The following VPS35L variants were observed in gnomAD, a reference collection of about 807,000 sequenced individuals.
VPS35L encodes VPS35 endosomal protein sorting factor like.
Under a neutral mutation model 133.0 loss-of-function variants are expected in VPS35L, and 83 were observed. The ratio of observed to expected loss-of-function variants is 0.62; its 90% CI spans 0.52 to 0.75. VPS35L has a LOEUF of 0.75. VPS35L is among the 30% of genes least tolerant of loss of function. VPS35L has a pLI of 0.00. For missense variants in VPS35L, 1,083 were observed against 1,206.8 expected (o/e 0.90, Z 1.52); for synonymous variants, 423 against 449.9 (o/e 0.94, Z 0.76).
At chr16:19,675,522 A>AT (rs1975035016) in intron 27 of VPS35L, among the ~76,000 whole-genome samples, 1 of 151,776 alleles carries the variant, frequency 6.6e-6, no homozygotes, top group Non-Finnish European at 1.5e-5. Flanking sequence ...TGGTAGCTCT[A>AT]TTTTTAATTT....
chr16:19,627,102 T>C (rs1199704127), intron 15 of VPS35L, among the ~76,000 whole-genome samples: 1 of 152,010 alleles, frequency 6.6e-6, no homozygotes, highest in Admixed American at 6.6e-5. Flanking sequence ...GCCAACATGG[T>C]GAAACCCTGT....
chr16:19,689,978 T>C (rs1220109785), intron 28 of VPS35L, among the ~76,000 whole-genome samples: 2 of 152,142 alleles, frequency 1.3e-5, no homozygotes, highest in African/African-American at 4.8e-5. Flanking sequence ...AGTCATGTGA[T>C]CATAGCTCAT....
chr16:19,615,997 A>ATAT (rs1271967646), intron 12 of VPS35L, 117 bp from the exon 13 acceptor site: 1 of 428,228 alleles, frequency 2.3e-6, no homozygotes, highest in Admixed American at 4.7e-5. Context: ...AATAATAATA[A>ATAT]TTTTCTGGAC....
intron 21 of VPS35L, among the ~76,000 whole-genome samples, chr16:19,641,294 TG>T (rs1180195520): frequency 6.6e-6 from 1 of 152,138 alleles, no homozygotes; most frequent in African/African-American, 2.4e-5. Flanking sequence ...CTCGAGCTCC[TG>T]GCCTCAAGTG....
At chr16:19,592,013 C>T (rs1225170106) in intron 8 of VPS35L, 139 bp downstream of exon 8, 1 of 608,990 alleles carries the variant, frequency 1.6e-6, no homozygotes, top group South Asian at 2.3e-5. Context: ...AACCGTTCCC[C>T]CCCACGCCCA....
At chr16:19,567,803 T>C (rs1357529965) in intron 2 of VPS35L, among the ~76,000 whole-genome samples, 1 of 152,006 alleles carries the variant, frequency 6.6e-6, no homozygotes, top group East Asian at 1.9e-4. Context: ...ACCCCACTTC[T>C]ACAAAAAGTA....
In VPS35L at chr16:19,663,669, C is replaced by CTTTTTTT. The variant is rs59826351; in HGVS notation, c.2222-5469_2222-5463dup. Among the ~76,000 whole-genome samples the CTTTTTTT allele has an allele frequency of 1.5e-3, 95 of 63,902 alleles. 1 individual carries two copies. The highest frequency in any genetic ancestry group is 3.1e-3 in the African/African-American group (43 of 13,984). The allele number at this position is 63,902 out of a possible 152,430, so 41.9% of individuals were successfully genotyped here. On this transcript the variant is annotated intron_variant, in intron 26 of 30. Transcript: ENST00000417362. ...GCTTGGTGCAACAGTGCAGTAATTT[C>CTTTTTTT]TTTTTTTTTTTTTTTTTTTTTTTTT...
At chr16:19,620,223 AACC>A (rs1311466207) in intron 14 of VPS35L, among the ~76,000 whole-genome samples, 1 of 152,194 alleles carries the variant, frequency 6.6e-6, no homozygotes, top group Non-Finnish European at 1.5e-5. Flanking sequence ...AATTATAAAT[AACC>A]TAATCTGGAG....
intron 3 of VPS35L, among the ~76,000 whole-genome samples, chr16:19,571,286 A>T (rs999824473): frequency 6.6e-6 from 1 of 151,948 alleles, no homozygotes; most frequent in Non-Finnish European, 1.5e-5. Context: ...GCATGATCAT[A>T]GCTCGCTGCA....
At chr16:19,594,433 CAGG>C (rs958058801) in intron 8 of VPS35L, among the ~76,000 whole-genome samples, 4 of 152,010 alleles carry the variant, frequency 2.6e-5, no homozygotes, top group African/African-American at 9.7e-5. Flanking sequence ...CACTTCAGGT[CAGG>C]AGTGCGAGAC....
At chr16:19,665,727 AT>A (rs1974642254) in intron 26 of VPS35L, among the ~76,000 whole-genome samples, 1 of 152,090 alleles carries the variant, frequency 6.6e-6, no homozygotes, top group Non-Finnish European at 1.5e-5. Context: ...TGGTAGCTCT[AT>A]TTTTAGCTTT....
intron 2 of VPS35L, among the ~76,000 whole-genome samples, chr16:19,566,102 C>T (rs1238598856): frequency 1.3e-5 from 2 of 152,148 alleles, no homozygotes; most frequent in African/African-American, 4.8e-5. Flanking sequence ...GAGATTTAGC[C>T]TCCCAGGACC....
chr16:19,690,961 C>CAAAAA (rs112601797), intron 28 of VPS35L, among the ~76,000 whole-genome samples: 6 of 130,860 alleles, frequency 4.6e-5, no homozygotes, highest in Admixed American at 1.6e-4. Context: ...GACTCCGTCT[C>CAAAAA]AAAAAAAAAA....
chr16:19,601,992 T>C lies in VPS35L; in HGVS notation c.784+269T>C, dbSNP rs758556379. 3.0e-4 allele frequency among the ~76,000 whole-genome samples: 45 copies of C among 152,144 alleles called. 1 individual carries two copies. Among genetic ancestry groups the C allele is most frequent in the Admixed American group, 1.3e-4 (2 of 15,270 alleles). On this transcript the variant is annotated intron_variant, in intron 9 of 30. Transcript: ENST00000417362. ...AGCCAAACTTTCACACGAACATATT[T>C]TCCTCTGCTGCTTGACTTTAATATT...
At chr16:19,673,024 G>A (rs184064870) in intron 27 of VPS35L, among the ~76,000 whole-genome samples, 1 of 152,288 alleles carries the variant, frequency 6.6e-6, no homozygotes, top group East Asian at 1.9e-4. Context: ...AGTTCATAGC[G>A]CTGAGACTTT....
rs770973051 is a variant in VPS35L, at chr16:19,567,902, C to T, written c.118-1522C>T. Among the ~76,000 whole-genome samples, 10 of 150,874 alleles carry T rather than the reference C, an allele frequency of 6.6e-5. No homozygotes were observed. The South Asian group carries it at 2.1e-3, about 32-fold the overall frequency. On this transcript the variant is annotated intron_variant, in intron 2 of 30. Transcript: ENST00000417362. ...GGAAGATTGCTTGTGCCCAGGATGT[C>T]GAGGGTACAGTGAACCGTGATCACA... is the stretch of plus-strand genomic sequence containing the variant.
intron 22 of VPS35L, 41 bp from the exon 23 acceptor site, chr16:19,644,845 C>A: frequency 7.0e-7 from 1 of 1,419,108 alleles, no homozygotes; most frequent in Non-Finnish European, 9.8e-7. Flanking sequence ...AAACTTTCAT[C>A]TATTACCTCC....
At chr16:19,637,079 G>A (rs1973644737) in intron 19 of VPS35L, among the ~76,000 whole-genome samples, 1 of 152,190 alleles carries the variant, frequency 6.6e-6, no homozygotes, top group Admixed American at 6.5e-5. Context: ...AGTTTTATTG[G>A]CACAAATTCA....
At position 19,652,010 on chromosome 16, in the gene VPS35L, C is replaced by T; in HGVS notation, c.2141C>T (p.Ser714Phe). The part of the protein sequence containing the change: ...CVAYCFITIP[S>F]LAGIFTRLNL... ...GCCTACTGCTTCATCACCATCCCCT[C>T]CCTGGCGGGCATCTTCACACGTCTC... is the stretch of plus-strand genomic sequence containing the variant. Residue 714 changes from serine (S) to phenylalanine (F), a missense_variant, in exon 26 of 31, where the codon TCC becomes TTC. By Grantham distance (155) the Ser-to-Phe change is radical. Coordinates refer to ENST00000417362, the MANE Select transcript of VPS35L (RefSeq NM_020314.7). 6.2e-7 allele frequency: 1 copy of T among 1,613,570 alleles called. No individual in the cohort carries two copies. The highest frequency in any genetic ancestry group is 8.5e-7 in the Non-Finnish European group (1 of 1,179,724).
Sources: gnomAD v4.1 joint callset for allele counts (sites outside exome capture counted in the v4.1 genomes callset) on GRCh38, gnomAD v4.1.1 for gene constraint, MANE v1.5 for transcripts, NCBI Gene and HGNC (gene_info 2026-07-23, HGNC 2026-07-21) for gene names.